PKP4: variants seen among roughly 807,000 people sequenced by gnomAD.
PKP4 encodes plakophilin 4.
PKP4 carries 90 observed loss-of-function variants against 145.1 expected under a neutral mutation model. The ratio of observed to expected loss-of-function variants is 0.62; its 90% CI spans 0.52 to 0.74. PKP4 has a LOEUF of 0.74. Ranked by LOEUF, PKP4 falls within the 30% of genes least tolerant of loss-of-function variation. The probability of loss-of-function intolerance (pLI) is 0.00; values close to 1 mark genes in which losing one functional copy is unlikely to be tolerated. For missense variants in PKP4, 1,340 were observed against 1,482.7 expected (o/e 0.90, Z 1.58); for synonymous variants, 563 against 577.2 (o/e 0.98, Z 0.35).
chr2:158,595,037 A>G (rs1293893580), intron 3 of PKP4, among the ~76,000 whole-genome samples: 1 of 152,180 alleles, frequency 6.6e-6, no homozygotes, highest in East Asian at 1.9e-4. Context: ...AAGAATAATC[A>G]TGACATATTG....
chr2:158,589,958 G>A (rs902860011), intron 3 of PKP4, among the ~76,000 whole-genome samples: 3 of 152,072 alleles, frequency 2.0e-5, no homozygotes, highest in South Asian at 2.1e-4. Context: ...TCAGCTTGTC[G>A]TAAAAATGTA....
intron 20 of PKP4, 57 bp from the exon 21 acceptor site, chr2:158,678,524 C>G (rs547004546): frequency 5.6e-6 from 7 of 1,243,410 alleles, no homozygotes; most frequent in Non-Finnish European, 8.3e-6. Flanking sequence ...GACCACCCAG[C>G]CTAATGGACC....
At chr2:158,649,159 T>A (rs958302982) in intron 11 of PKP4, among the ~76,000 whole-genome samples, 2 of 152,202 alleles carry the variant, frequency 1.3e-5, no homozygotes, top group Admixed American at 1.3e-4. Flanking sequence ...TAGAGAACTT[T>A]GAACTGGAAA....
intron 4 of PKP4, among the ~76,000 whole-genome samples, chr2:158,607,887 C>T (rs1016817580): frequency 6.6e-6 from 1 of 152,242 alleles, no homozygotes; most frequent in Admixed American, 6.5e-5. Context: ...TACCCCTTCC[C>T]CGTTGCTTAA....
chr2:158,595,649 T>C (rs1374929443), intron 3 of PKP4, among the ~76,000 whole-genome samples: 1 of 152,220 alleles, frequency 6.6e-6, no homozygotes, highest in Non-Finnish European at 1.5e-5. Flanking sequence ...AAGTATGTTG[T>C]ATCTCCTGAT....
chr2:158,495,356 A>T (rs1695536765), intron 1 of PKP4, among the ~76,000 whole-genome samples: 1 of 147,016 alleles, frequency 6.8e-6, no homozygotes, highest in East Asian at 2.0e-4. Context: ...GAGTTAAAAA[A>T]AAAAAAAAAC....
chr2:158,542,855 A>G (rs1352655488), intron 2 of PKP4, among the ~76,000 whole-genome samples: 3 of 152,182 alleles, frequency 2.0e-5, no homozygotes. Context: ...AAATCTAGAA[A>G]AATTGTAATT....
intron 1 of PKP4, among the ~76,000 whole-genome samples, chr2:158,498,559 A>G (rs1027779348): frequency 6.6e-6 from 1 of 152,170 alleles, no homozygotes; most frequent in Admixed American, 6.5e-5. Context: ...TCTCTTCAGC[A>G]TTCCTTTTGT....
intron 1 of PKP4, among the ~76,000 whole-genome samples, chr2:158,521,825 A>G (rs181127135): frequency 4.9e-4 from 75 of 152,282 alleles, no homozygotes; most frequent in African/African-American, 1.8e-3. Flanking sequence ...CTATATGATG[A>G]TACTCCTAGC....
chr2:158,533,514 A>G, intron 2 of PKP4, 198 bp downstream of exon 2: 1 of 670,720 alleles, frequency 1.5e-6, no homozygotes, highest in Non-Finnish European at 2.8e-6. Context: ...CGGAACATGC[A>G]GGATACTTGT....
chr2:158,549,949 T>A (rs912572581), intron 2 of PKP4, among the ~76,000 whole-genome samples: 5 of 152,142 alleles, frequency 3.3e-5, no homozygotes, highest in Non-Finnish European at 7.4e-5. Flanking sequence ...TTAAAATTAT[T>A]CAACCTAATG....
intron 2 of PKP4, among the ~76,000 whole-genome samples, chr2:158,539,002 A>G (rs1373107497): frequency 6.6e-6 from 1 of 152,222 alleles, no homozygotes; most frequent in Non-Finnish European, 1.5e-5. Flanking sequence ...TGAGGTCTCA[A>G]GTTAGATAGT....
intron 3 of PKP4, among the ~76,000 whole-genome samples, chr2:158,586,134 A>G (rs902029093): frequency 1.3e-5 from 2 of 152,178 alleles, no homozygotes; most frequent in African/African-American, 4.8e-5. Flanking sequence ...ATAATATTCC[A>G]TCATGTAGAT....
chr2:158,489,945 C>T (rs956827466), intron 1 of PKP4, among the ~76,000 whole-genome samples: 5 of 152,096 alleles, frequency 3.3e-5, no homozygotes, highest in African/African-American at 4.8e-5. Flanking sequence ...CCCCTTCCCC[C>T]GTGAGCAAAA....
At chr2:158,566,729 A>G (rs1416912383) in intron 2 of PKP4, among the ~76,000 whole-genome samples, 1 of 152,104 alleles carries the variant, frequency 6.6e-6, no homozygotes, top group Non-Finnish European at 1.5e-5. Flanking sequence ...TTTCCTCAAT[A>G]TTTATTTGAC....
chr2:158,511,937 TA>T (rs765182108), intron 1 of PKP4, among the ~76,000 whole-genome samples: 17 of 152,168 alleles, frequency 1.1e-4, no homozygotes, highest in Non-Finnish European at 2.4e-4. Context: ...TGGGTAGTAT[TA>T]AAGCCAGCAA....
intron 2 of PKP4, among the ~76,000 whole-genome samples, chr2:158,574,972 T>C (rs2047723406): frequency 6.6e-6 from 1 of 152,168 alleles, no homozygotes; most frequent in Admixed American, 6.5e-5. Context: ...TCAATCAAAG[T>C]TTCTAGTTGT....
intron 1 of PKP4, among the ~76,000 whole-genome samples, chr2:158,503,627 AC>A (rs1260286355): frequency 2.0e-5 from 3 of 152,210 alleles, no homozygotes; most frequent in Non-Finnish European, 4.4e-5. Context: ...AGTATTTTAA[AC>A]AACTTCTTTT....
intron 3 of PKP4, among the ~76,000 whole-genome samples, chr2:158,596,818 C>A (rs544483256): frequency 7.2e-5 from 11 of 152,232 alleles, no homozygotes; most frequent in African/African-American, 2.6e-4. Flanking sequence ...GTCTCCCAAA[C>A]TGGCTTATTC....
Sources: allele counts gnomAD v4.1 joint callset (sites outside exome capture counted in the v4.1 genomes callset), GRCh38; gene constraint gnomAD v4.1.1; transcripts MANE v1.5; gene names NCBI Gene and HGNC (gene_info 2026-07-23, HGNC 2026-07-21).